TSHZ2: variants seen among roughly 807,000 people sequenced by gnomAD.
TSHZ2 encodes teashirt zinc finger homeobox 2.
A neutral mutation model predicts 74.4 loss-of-function variants in TSHZ2; 21 were observed. The observed-to-expected ratio is 0.28, with a 90% CI of 0.20 to 0.41. TSHZ2 has a LOEUF of 0.41. Ranked by LOEUF, TSHZ2 falls within the 10% of genes least tolerant of loss-of-function variation. The pLI is 1.00. For missense variants in TSHZ2, 1,244 were observed against 1,293.5 expected, an observed-to-expected ratio of 0.96 and a Z score of 0.59; for synonymous variants, 540 against 515.3, an observed-to-expected ratio of 1.05 and a Z score of -0.65.
chr20:53,135,210 A>G (rs1447665182), intron 1 of TSHZ2, among the ~76,000 whole-genome samples: 1 of 152,154 alleles, frequency 6.6e-6, no homozygotes, highest in African/African-American at 2.4e-5. Flanking sequence ...ACTTTCATTC[A>G]TGTATAGATC....
intron 2 of TSHZ2, among the ~76,000 whole-genome samples, chr20:53,319,711 A>G (rs1979172687): frequency 6.6e-6 from 1 of 152,224 alleles, no homozygotes; most frequent in Admixed American, 6.5e-5. Flanking sequence ...CACTTAAGCT[A>G]TTTAACTTCT....
At position 53,254,808 on chromosome 20, in the gene TSHZ2, A is replaced by C. The variant is rs764417866; in HGVS notation, c.1350A>C (p.Ala450=). 40 of 1,613,752 alleles carry C rather than the reference A, an allele frequency of 2.5e-5. No homozygotes were observed. Among genetic ancestry groups the C allele is most frequent in the Non-Finnish European group, 3.3e-5 (39 of 1,179,924 alleles). ...SLAPKPSSNS[A]SDCTASTTEL... ...CTCCCAAGCCATCCAGTAACTCAGCATCAGATTGTACAGCCTCTACAACTG... is the reference window on the plus strand; with the variant it reads ...CTCCCAAGCCATCCAGTAACTCAGCCTCAGATTGTACAGCCTCTACAACTG... Residue 450 remains alanine, a synonymous_variant, in exon 2 of 3, where the codon GCA becomes GCC. Transcript: ENST00000371497.
intron 2 of TSHZ2, among the ~76,000 whole-genome samples, chr20:53,263,129 A>G (rs999258655): frequency 1.3e-5 from 2 of 152,298 alleles, no homozygotes; most frequent in African/African-American, 4.8e-5. Context: ...CTGATTCTAT[A>G]CCTTTTATCT....
At chr20:53,214,293 G>A (rs1236481743) in intron 1 of TSHZ2, among the ~76,000 whole-genome samples, 2 of 152,104 alleles carry the variant, frequency 1.3e-5, no homozygotes, top group African/African-American at 4.8e-5. Flanking sequence ...ATGGACGATT[G>A]AACAAATAAG....
At position 53,074,839 on chromosome 20, in the gene TSHZ2, G is replaced by A. The variant is rs1040558707; in HGVS notation, c.40+101506G>A. On this transcript the variant is annotated intron_variant, in intron 1 of 2. Transcript: ENST00000371497. This position sits in a 1 kb window ranked among gnomAD's most constrained non-coding sequence, Gnocchi z 5.9. ...TTGTTAGTCCCATTTAACAGATGAA[G>A]CAATTGAGGCTTAGAGAAGCAAATG... Among the ~76,000 whole-genome samples, 2 of 152,142 alleles carry A rather than the reference G, an allele frequency of 1.3e-5. No individual in the cohort carries two copies. Among genetic ancestry groups the A allele is most frequent in the Non-Finnish European group, 2.9e-5 (2 of 68,030 alleles).
chr20:53,062,487 A>G (rs1397375433), intron 1 of TSHZ2, among the ~76,000 whole-genome samples: 1 of 152,222 alleles, frequency 6.6e-6, no homozygotes, highest in Non-Finnish European at 1.5e-5. Flanking sequence ...TTAAGTGTTT[A>G]CAAGTGTTAG....
At chr20:53,095,612 C>T (rs1462812710) in intron 1 of TSHZ2, among the ~76,000 whole-genome samples, 1 of 152,176 alleles carries the variant, frequency 6.6e-6, no homozygotes, top group Non-Finnish European at 1.5e-5. Flanking sequence ...GCTTGATTTT[C>T]CATTTCACCT....
intron 1 of TSHZ2, among the ~76,000 whole-genome samples, chr20:53,071,940 G>C (rs1985187985): frequency 6.6e-6 from 1 of 152,178 alleles, no homozygotes; most frequent in African/African-American, 2.4e-5. Context: ...CCGGCATTTT[G>C]CAATTTGCAG....
At chr20:53,325,699 A>G (rs921183931) in intron 2 of TSHZ2, among the ~76,000 whole-genome samples, 1 of 132,944 alleles carries the variant, frequency 7.5e-6, no homozygotes, top group African/African-American at 2.6e-5. Flanking sequence ...TTTGTTTTTA[A>G]CTGTGTGAAG....
At chr20:53,023,131 T>G (rs1032968267) in intron 1 of TSHZ2, among the ~76,000 whole-genome samples, 1 of 152,204 alleles carries the variant, frequency 6.6e-6, no homozygotes. Context: ...AATCCCAGGA[T>G]GGAAGTCTTG....
intron 2 of TSHZ2, among the ~76,000 whole-genome samples, chr20:53,442,523 T>C (rs2145760251): frequency 6.6e-6 from 1 of 152,292 alleles, no homozygotes; most frequent in South Asian, 2.1e-4. Flanking sequence ...CGGTGGTAAT[T>C]AATGAATCCT....
At chr20:53,121,819 A>G (rs1986818578) in intron 1 of TSHZ2, among the ~76,000 whole-genome samples, 1 of 152,194 alleles carries the variant, frequency 6.6e-6, no homozygotes, top group Non-Finnish European at 1.5e-5. Context: ...CGAGGTCATT[A>G]AACAAGAGTA....
chr20:53,149,923 T>G (rs1412170015), intron 1 of TSHZ2, among the ~76,000 whole-genome samples: 1 of 152,216 alleles, frequency 6.6e-6, no homozygotes, highest in Non-Finnish European at 1.5e-5. Context: ...CAAATGGATC[T>G]CCAGGGATCA....
intron 2 of TSHZ2, among the ~76,000 whole-genome samples, chr20:53,261,420 A>G (rs58819440): frequency 0.29 from 43,905 of 152,010 alleles, 6,638 homozygotes; most frequent in Middle Eastern, 0.33. Context: ...GTGAAAATAC[A>G]TACACCTAAT....
intron 1 of TSHZ2, among the ~76,000 whole-genome samples, chr20:53,054,070 C>T (rs6022258): frequency 0.7 from 106,560 of 152,104 alleles, 38,115 homozygotes; most frequent in East Asian, 0.96. Flanking sequence ...GAAAAGACAT[C>T]GAAGTCAGAT....
Position 53,021,363 on chromosome 20 carries a change from G to T in TSHZ2, c.40+48030G>T, listed in dbSNP as rs146477054. Among the ~76,000 whole-genome samples, 124 of 152,202 alleles carry T rather than the reference G, an allele frequency of 8.1e-4. 1 individual carries two copies. In the Middle Eastern group the frequency reaches 0.014, roughly 17 times the overall value. On this transcript the variant is annotated intron_variant, in intron 1 of 2. Coordinates refer to ENST00000371497, the MANE Select transcript of TSHZ2 (RefSeq NM_173485.6). Reference sequence around the variant, plus strand: ...TCAGAAACCATGACAATGGAACCACGTGCGCTGTGTTTAGCAAGCCTCACT... The same window carrying T: ...TCAGAAACCATGACAATGGAACCACTTGCGCTGTGTTTAGCAAGCCTCACT...
intron 1 of TSHZ2, among the ~76,000 whole-genome samples, chr20:53,152,125 A>G (rs1342462092): frequency 6.6e-6 from 1 of 152,212 alleles, no homozygotes; most frequent in African/African-American, 2.4e-5. Context: ...TTCACATTAC[A>G]ACATCCCTGA....
chr20:53,012,444 C>A (rs1359199923), intron 1 of TSHZ2, among the ~76,000 whole-genome samples: 1 of 152,112 alleles, frequency 6.6e-6, no homozygotes, highest in Non-Finnish European at 1.5e-5. Context: ...CTCTGCCAAC[C>A]CAAATGAATC....
intron 2 of TSHZ2, among the ~76,000 whole-genome samples, chr20:53,362,157 G>A (rs1405584127): frequency 4.6e-5 from 7 of 150,878 alleles, no homozygotes; most frequent in Admixed American, 1.3e-4. Flanking sequence ...GTGAGCCACC[G>A]TGCCCAGCCT....
Sources: gnomAD v4.1 joint callset for allele counts (sites outside exome capture counted in the v4.1 genomes callset) on GRCh38, gnomAD v4.1.1 for gene constraint, Gnocchi (gnomAD v3.1) non-coding constraint, MANE v1.5 for transcripts, NCBI Gene and HGNC (gene_info 2026-07-23, HGNC 2026-07-21) for gene names.